The following PDZRN3 variants were observed in gnomAD, a reference collection of about 807,000 sequenced individuals.
The protein encoded by PDZRN3 is E3 ubiquitin-protein ligase PDZRN3.
Under a neutral mutation model 85.7 loss-of-function variants are expected in PDZRN3, and 38 were observed. That is an observed-to-expected ratio of 0.44 (90% CI 0.34 to 0.58). The LOEUF (loss-of-function observed/expected upper bound fraction) is 0.58, where lower values mean the gene tolerates loss of function less well. Ranked by LOEUF, PDZRN3 falls within the 20% of genes least tolerant of loss-of-function variation. The pLI is 0.01. For missense variants in PDZRN3, 1,629 were observed against 1,506.4 expected (o/e 1.08, Z -1.35); for synonymous variants, 759 against 638.0 (o/e 1.19, Z -2.86).
rs1413889489 is a variant in PDZRN3, at chr3:73,507,284, T to G, written c.918+95070A>C. 2.0e-5 allele frequency among the ~76,000 whole-genome samples: 3 copies of G among 152,306 alleles called. No homozygotes were observed. In the East Asian group the frequency reaches 5.8e-4, roughly 29 times the overall value. On this transcript the variant is annotated intron_variant, in intron 3 of 9. Coordinates refer to ENST00000263666, the MANE Select transcript of PDZRN3 (RefSeq NM_015009.3). ...CCCGAGTTCAAGTGATTCTCCTCCC[T>G]CAGCCTCCCGAGTAGCTGGGATTAC...
intron 3 of PDZRN3, among the ~76,000 whole-genome samples, chr3:73,549,771 A>T (rs1701509248): frequency 6.6e-6 from 1 of 152,228 alleles, no homozygotes; most frequent in African/African-American, 2.4e-5. Context: ...TGTTTGTCTG[A>T]GTCACCTTCG....
chr3:73,613,415 G>A (rs1478435678), intron 1 of PDZRN3, among the ~76,000 whole-genome samples: 1 of 152,152 alleles, frequency 6.6e-6, no homozygotes, highest in African/African-American at 2.4e-5. Flanking sequence ...CAACAGGATA[G>A]GAGAAACATC....
intron 3 of PDZRN3, among the ~76,000 whole-genome samples, chr3:73,414,683 C>G (rs1702040562): frequency 6.6e-6 from 1 of 152,204 alleles, no homozygotes. Flanking sequence ...GAATATAAAA[C>G]TACCAGTGAA....
chr3:73,433,188 A>T (rs1272717546), intron 3 of PDZRN3, among the ~76,000 whole-genome samples: 1 of 152,222 alleles, frequency 6.6e-6, no homozygotes, highest in East Asian at 1.9e-4. Flanking sequence ...AGAATTGCTA[A>T]AAGAACCAAG....
chr3:73,515,455 C>T (rs554981503), intron 3 of PDZRN3, among the ~76,000 whole-genome samples: 10 of 152,262 alleles, frequency 6.6e-5, no homozygotes, highest in South Asian at 4.1e-4. Context: ...GGATTACAGG[C>T]GTGAGCCACC....
rs139156496 is a variant in PDZRN3, at chr3:73,526,577, A to T, written c.918+75777T>A. On this transcript the variant is annotated intron_variant, in intron 3 of 9. Coordinates refer to ENST00000263666, the MANE Select transcript of PDZRN3 (RefSeq NM_015009.3). ...AAGAACAAATCTGTAGCCATGAAAC[A>T]AAAGCTTATTCAATTATGAACTGAG... Among the ~76,000 whole-genome samples the T allele has an allele frequency of 2.6e-3, 393 of 152,346 alleles. 4 individuals are homozygous for T. The highest frequency in any genetic ancestry group is 9.0e-3 in the African/African-American group (375 of 41,578).
At chr3:73,512,907 A>G (rs1054971360) in intron 3 of PDZRN3, among the ~76,000 whole-genome samples, 6 of 152,216 alleles carry the variant, frequency 3.9e-5, no homozygotes, top group African/African-American at 1.4e-4. Flanking sequence ...CATTTTTAGT[A>G]TTGTCCAGAT....
chr3:73,528,406 C>G (rs922438285), intron 3 of PDZRN3, among the ~76,000 whole-genome samples: 1 of 152,120 alleles, frequency 6.6e-6, no homozygotes, highest in Non-Finnish European at 1.5e-5. Context: ...AGACAAATCA[C>G]GCAATATACA....
chr3:73,513,829 G>A (rs1704209494), intron 3 of PDZRN3, among the ~76,000 whole-genome samples: 1 of 152,080 alleles, frequency 6.6e-6, no homozygotes, highest in Non-Finnish European at 1.5e-5. Flanking sequence ...TATTGCACCC[G>A]AAAAGAGACA....
chr3:73,503,498 T>C (rs1389793167), intron 3 of PDZRN3, among the ~76,000 whole-genome samples: 1 of 152,248 alleles, frequency 6.6e-6, no homozygotes. Context: ...ATCATTTCTT[T>C]ATCCGTAAAG....
intron 3 of PDZRN3, among the ~76,000 whole-genome samples, chr3:73,532,507 G>C (rs536639626): frequency 6.6e-6 from 1 of 152,214 alleles, no homozygotes; most frequent in East Asian, 1.9e-4. Flanking sequence ...CGTTCCTTGA[G>C]TCATCTCACT....
At chr3:73,565,790 C>A (rs1575741057) in intron 3 of PDZRN3, among the ~76,000 whole-genome samples, 1 of 11,418 alleles carries the variant, frequency 8.8e-5, no homozygotes, top group African/African-American at 2.0e-4. Flanking sequence ...ATACAAAACA[C>A]ACACACACAC....
chr3:73,411,752 C>T (rs1205732991), intron 3 of PDZRN3, among the ~76,000 whole-genome samples: 1 of 152,170 alleles, frequency 6.6e-6, no homozygotes, highest in Non-Finnish European at 1.5e-5. Flanking sequence ...TTGAACAGTC[C>T]ATGAAAGTCG....
At chr3:73,417,339 C>T (rs370333820) in intron 3 of PDZRN3, among the ~76,000 whole-genome samples, 2 of 152,194 alleles carry the variant, frequency 1.3e-5, no homozygotes, top group Non-Finnish European at 2.9e-5. Flanking sequence ...GTTAGCAGGG[C>T]AGCCCTTGCT....
intron 3 of PDZRN3, among the ~76,000 whole-genome samples, chr3:73,527,947 T>C (rs1006226579): frequency 6.6e-5 from 10 of 152,200 alleles, no homozygotes; most frequent in Admixed American, 6.5e-5. Flanking sequence ...GAGCAGATGT[T>C]CATTGGCTCA....
rs544736742 is a variant in PDZRN3, at chr3:73,624,018, G to A, written c.723+85C>T. The A allele has an allele frequency of 2.5e-4, 316 of 1,242,964 alleles. 2 individuals are homozygous for A. Among genetic ancestry groups the A allele is most frequent in the East Asian group, 2.1e-3 (67 of 31,566 alleles). The allele number at this position is 1,242,964 out of a possible 1,614,324, so 77.0% of individuals were successfully genotyped here. A position where few individuals can be genotyped will look rare whatever the true frequency, so the allele number is the denominator to read the frequency against. On this transcript the variant is annotated intron_variant, in intron 1 of 9. Coordinates refer to ENST00000263666, the MANE Select transcript of PDZRN3 (RefSeq NM_015009.3). ...CAAGGATGTTCCCGGGAAGCTCGGG[G>A]CATCCCTGTACCCAAAGGGATGGGG... is the stretch of plus-strand genomic sequence containing the variant.
At chr3:73,405,394 A>G (rs192391739) in intron 3 of PDZRN3, among the ~76,000 whole-genome samples, 58 of 152,356 alleles carry the variant, frequency 3.8e-4, no homozygotes, top group Admixed American at 7.8e-4. Flanking sequence ...CCCATAAAAC[A>G]AAGGAACTAT....
At chr3:73,620,778 G>A (rs931409692) in intron 1 of PDZRN3, among the ~76,000 whole-genome samples, 1 of 151,970 alleles carries the variant, frequency 6.6e-6, no homozygotes, top group Non-Finnish European at 1.5e-5. Flanking sequence ...GGGTTTCACC[G>A]TGTTAGCCAG....
intron 3 of PDZRN3, among the ~76,000 whole-genome samples, chr3:73,575,679 G>T (rs1334977582): frequency 1.3e-5 from 2 of 152,232 alleles, no homozygotes; most frequent in African/African-American, 4.8e-5. Flanking sequence ...TTGTGTTGTA[G>T]AGACGACAAA....
Sources: gnomAD v4.1 joint callset for allele counts (sites outside exome capture counted in the v4.1 genomes callset) on GRCh38, gnomAD v4.1.1 for gene constraint, MANE v1.5 for transcripts, NCBI Gene and HGNC (gene_info 2026-07-23, HGNC 2026-07-21) for gene names.